The following USP25 variants were observed in gnomAD, a reference collection of about 807,000 sequenced individuals.
USP25 encodes ubiquitin carboxyl-terminal hydrolase 25.
Under a neutral mutation model 158.5 loss-of-function variants are expected in USP25, and 85 were observed. That is an observed-to-expected ratio of 0.54 (90% CI 0.45 to 0.64). The LOEUF is 0.64. Among genes scored for constraint, USP25 ranks in the 30% least tolerant of loss-of-function variants. The pLI, the probability that USP25 is intolerant of heterozygous loss-of-function variation, is 0.00. For synonymous variants in USP25, 464 were observed against 460.4 expected (o/e 1.01, Z -0.10); for missense variants, 1,242 against 1,327.3 (o/e 0.94, Z 1.00).
intron 1 of USP25, among the ~76,000 whole-genome samples, chr21:15,757,549 C>A (rs914013120): frequency 2.6e-5 from 4 of 152,196 alleles, no homozygotes; most frequent in African/African-American, 9.6e-5. Context: ...TAACAAACCA[C>A]CTCAAAACCC....
At chr21:15,794,064 T>C (rs547744818) in intron 5 of USP25, among the ~76,000 whole-genome samples, 1 of 151,662 alleles carries the variant, frequency 6.6e-6, no homozygotes, top group Non-Finnish European at 1.5e-5. Flanking sequence ...AAGTTTTGAT[T>C]ACAAAATTTT....
At chr21:15,761,327 C>T (rs1278527916) in intron 1 of USP25, among the ~76,000 whole-genome samples, 2 of 152,156 alleles carry the variant, frequency 1.3e-5, no homozygotes, top group Admixed American at 6.5e-5. Flanking sequence ...GCCTCCCCCC[C>T]AGGAATGTCA....
At chr21:15,858,992 G>A (rs2039288779) in intron 20 of USP25, among the ~76,000 whole-genome samples, 1 of 151,460 alleles carries the variant, frequency 6.6e-6, no homozygotes, top group Admixed American at 6.6e-5. Flanking sequence ...AACACTTTTT[G>A]TTATCTCATA....
chr21:15,826,022 T>TG lies in USP25; in HGVS notation c.1305-178dup, dbSNP rs1179818611. On this transcript the variant is annotated intron_variant, in intron 12 of 25. Transcript: ENST00000400183. The surrounding 1 kb of genome is among the most constrained non-coding windows in gnomAD (Gnocchi z 4.8). Reference sequence around the variant, plus strand: ...CCAATCGGCCTTGGTTTCCTGTCTTTGGGGAACTTTTAATGTTTTTCTTAA... The same window carrying TG: ...CCAATCGGCCTTGGTTTCCTGTCTTTGGGGGAACTTTTAATGTTTTTCTTAA... Among the ~76,000 whole-genome samples, 2 of 152,202 alleles carry TG rather than the reference T, an allele frequency of 1.3e-5. No individual in the cohort carries two copies. The highest frequency in any genetic ancestry group is 2.9e-5 in the Non-Finnish European group (2 of 68,026).
Position 15,741,030 on chromosome 21 carries a change from T to C in USP25, c.45+10592T>C, listed in dbSNP as rs888902919. On this transcript the variant is annotated intron_variant, in intron 1 of 25. Transcript: ENST00000400183. ...TGTCCTGTATCACCTTTCTCATTAATTATCAACACCGTCATTATTTCAGGC... is the reference window on the plus strand; with the variant it reads ...TGTCCTGTATCACCTTTCTCATTAACTATCAACACCGTCATTATTTCAGGC... 2.0e-5 allele frequency among the ~76,000 whole-genome samples: 3 copies of C among 152,202 alleles called. 1 individual carries two copies. Among genetic ancestry groups the C allele is most frequent in the African/African-American group, 7.2e-5 (3 of 41,452 alleles).
At chr21:15,761,563 A>G (rs1184999054) in intron 1 of USP25, among the ~76,000 whole-genome samples, 1 of 152,190 alleles carries the variant, frequency 6.6e-6, no homozygotes, top group African/African-American at 2.4e-5. Context: ...TTTGTTTAGG[A>G]ACACCCAACT....
At chr21:15,849,158 A>G (rs2038769990) in intron 19 of USP25, among the ~76,000 whole-genome samples, 1 of 152,172 alleles carries the variant, frequency 6.6e-6, no homozygotes. Context: ...GCCCTCTCTC[A>G]TTTAAAAAAG....
Position 15,776,307 on chromosome 21 carries a change from T to C in USP25, c.269-1597T>C, listed in dbSNP as rs560566575. Among the ~76,000 whole-genome samples the C allele has an allele frequency of 5.9e-5, 9 of 152,260 alleles. No homozygotes were observed. In the South Asian group the frequency reaches 1.9e-3, roughly 32 times the overall value. Reference sequence around the variant, plus strand: ...TTGGGGGGCCCTACTTAATACACTTTTGTGAGGTTTTATTATACTCTCTAA... The same window carrying C: ...TTGGGGGGCCCTACTTAATACACTTCTGTGAGGTTTTATTATACTCTCTAA... On this transcript the variant is annotated intron_variant, in intron 3 of 25. Coordinates refer to ENST00000400183, the MANE Select transcript of USP25 (RefSeq NM_001283041.3).
chr21:15,836,542 C>T (rs2146416438), intron 17 of USP25, among the ~76,000 whole-genome samples: 1 of 139,478 alleles, frequency 7.2e-6, no homozygotes, highest in South Asian at 2.5e-4. Flanking sequence ...AGCAAACTTA[C>T]CTGAATACTG....
At chr21:15,871,990 C>CAA (rs35733221) in intron 23 of USP25, among the ~76,000 whole-genome samples, 2 of 65,226 alleles carry the variant, frequency 3.1e-5, no homozygotes, top group African/African-American at 1.1e-4. Flanking sequence ...GACACTGTCT[C>CAA]AAAAAAAAAA....
chr21:15,839,175 C>T (rs756565296), intron 17 of USP25, among the ~76,000 whole-genome samples: 8 of 152,204 alleles, frequency 5.3e-5, no homozygotes, highest in Non-Finnish European at 2.9e-5. Context: ...TCCAGTCTCC[C>T]AGGGTTTCAA....
chr21:15,757,869 G>T (rs1037552623), intron 1 of USP25, among the ~76,000 whole-genome samples: 6 of 152,184 alleles, frequency 3.9e-5, no homozygotes, highest in Non-Finnish European at 8.8e-5. Flanking sequence ...GGCTAGCATA[G>T]GCAGTGTAAT....
At chr21:15,857,076 G>C (rs1369323732) in intron 20 of USP25, among the ~76,000 whole-genome samples, 1 of 152,146 alleles carries the variant, frequency 6.6e-6, no homozygotes, top group Non-Finnish European at 1.5e-5. Context: ...CATAGTCCTA[G>C]GTTTAAATCC....
At chr21:15,842,660 G>C (rs2038396176) in intron 18 of USP25, 120 bp downstream of exon 18, 1 of 1,273,040 alleles carries the variant, frequency 7.9e-7, no homozygotes, top group African/African-American at 1.5e-5. Context: ...GCTCTGCCAT[G>C]GGCATGATCA....
At chr21:15,802,692 C>G (rs904823067) in intron 6 of USP25, among the ~76,000 whole-genome samples, 19 of 151,628 alleles carry the variant, frequency 1.3e-4, no homozygotes, top group African/African-American at 4.4e-4. Context: ...TACCAGACAT[C>G]TTATTAGAAA....
At chr21:15,742,543 C>T (rs1701855092) in intron 1 of USP25, among the ~76,000 whole-genome samples, 1 of 152,124 alleles carries the variant, frequency 6.6e-6, no homozygotes, top group Non-Finnish European at 1.5e-5. Context: ...CGTGTGAGGC[C>T]TCTGGGCTGG....
chr21:15,842,542 T>G lies in USP25; in HGVS notation c.2337+2T>G, dbSNP rs745752002. Reference sequence around the variant, plus strand: ...AGTCCTGAAACAGTTTTGCAGTCGGTAAGAACTTTTCTTTTGGCTCTCTGA... The same window carrying G: ...AGTCCTGAAACAGTTTTGCAGTCGGGAAGAACTTTTCTTTTGGCTCTCTGA... On this transcript the variant is annotated splice_donor_variant, in intron 18 of 25. Coordinates refer to ENST00000400183, the MANE Select transcript of USP25 (RefSeq NM_001283041.3). LOFTEE classifies it high-confidence loss of function. The G allele has an allele frequency of 6.2e-7, 1 of 1,613,052 alleles. No individual in the cohort carries two copies. Among genetic ancestry groups the G allele is most frequent in the Non-Finnish European group, 8.5e-7 (1 of 1,179,400 alleles).
chr21:15,735,087 C>T (rs2031356904), intron 1 of USP25, among the ~76,000 whole-genome samples: 1 of 152,124 alleles, frequency 6.6e-6, no homozygotes, highest in Admixed American at 6.5e-5. Flanking sequence ...ATACACAAGC[C>T]CCTGCTCTTA....
intron 17 of USP25, among the ~76,000 whole-genome samples, chr21:15,840,295 G>A (rs892578734): frequency 7.9e-5 from 12 of 152,066 alleles, no homozygotes; most frequent in Non-Finnish European, 4.4e-5. Context: ...AACCTTGTGC[G>A]TAACTTTTAT....
Sources: allele counts gnomAD v4.1 joint callset (sites outside exome capture counted in the v4.1 genomes callset), GRCh38; gene constraint gnomAD v4.1.1; non-coding constraint Gnocchi (gnomAD v3.1); transcripts MANE v1.5; gene names NCBI Gene and HGNC (gene_info 2026-07-23, HGNC 2026-07-21).